DNAJC24: variants seen among roughly 807,000 people sequenced by gnomAD.
DNAJC24 encodes the protein DnaJ heat shock protein family (Hsp40) member C24.
In DNAJC24, 17 loss-of-function variants were observed where a neutral mutation model predicts 18.0. The observed-to-expected ratio is 0.94, with a 90% CI of 0.65 to 1.42. DNAJC24 has a LOEUF of 1.42. Among genes scored for constraint, DNAJC24 ranks in the 40% most tolerant of loss-of-function variants. The pLI is 0.00. For synonymous variants in DNAJC24, 55 were observed against 57.7 expected, an observed-to-expected ratio of 0.95 and a Z score of 0.21; for missense variants, 158 against 175.6, an observed-to-expected ratio of 0.90 and a Z score of 0.57.
At chr11:31,411,988 A>G (rs1952714686) in intron 2 of DNAJC24, among the ~76,000 whole-genome samples, 1 of 152,164 alleles carries the variant, frequency 6.6e-6, no homozygotes, top group Admixed American at 6.5e-5. Context: ...TCATTTTTTA[A>G]TGGAATGTAC....
intron 3 of DNAJC24, among the ~76,000 whole-genome samples, chr11:31,425,143 T>A (rs748711847): frequency 1.3e-5 from 2 of 152,110 alleles, no homozygotes; most frequent in Non-Finnish European, 2.9e-5. Context: ...AAAGCTTAGG[T>A]GGAATTCCAG....
chr11:31,416,375 A>G (rs1344191588), intron 3 of DNAJC24: 1 of 152,178 alleles, frequency 6.6e-6, no homozygotes, highest in Non-Finnish European at 1.5e-5. Context: ...CTTGGTTCAC[A>G]TGATTTCTAT....
At position 31,429,716 on chromosome 11, in the gene DNAJC24, A is replaced by C. The variant is rs980756683; in HGVS notation, c.320-555A>C. The C allele has an allele frequency of 2.9e-5, 5 of 171,618 alleles. No homozygotes were observed. In the East Asian group the frequency reaches 4.5e-4, roughly 15 times the overall value. 10.6% of individuals were successfully genotyped at this position (171,618 alleles called of 1,614,324 possible). ...ACACATACCCCCATAGGATTTAAAAAAACAACAACAACATGGTGTTGTGTT... is the reference window on the plus strand; with the variant it reads ...ACACATACCCCCATAGGATTTAAAACAACAACAACAACATGGTGTTGTGTT... On this transcript the variant is annotated intron_variant, in intron 4 of 4. Coordinates refer to ENST00000465995, the MANE Select transcript of DNAJC24 (RefSeq NM_181706.5).
chr11:31,374,683 A>C (rs1952295776), intron 2 of DNAJC24, among the ~76,000 whole-genome samples: 1 of 134,270 alleles, frequency 7.4e-6, no homozygotes, highest in Admixed American at 7.7e-5. Context: ...TTTAGTCTTA[A>C]CCAGTCTTTC....
At chr11:31,400,216 CAT>C (rs1220636454) in intron 2 of DNAJC24, among the ~76,000 whole-genome samples, 3 of 152,146 alleles carry the variant, frequency 2.0e-5, no homozygotes, top group Non-Finnish European at 4.4e-5. Context: ...GCTGCATAAA[CAT>C]ATGTGTGCAT....
At chr11:31,376,088 CA>C (rs1234849069) in intron 2 of DNAJC24, among the ~76,000 whole-genome samples, 25,930 of 125,954 alleles carry the variant, frequency 0.21, 4,832 homozygotes, top group Non-Finnish European at 0.3. Context: ...TTGTTCTCCT[CA>C]TGGTAGTGAA....
intron 2 of DNAJC24, among the ~76,000 whole-genome samples, chr11:31,391,687 A>G (rs979788665): frequency 6.6e-6 from 1 of 152,218 alleles, no homozygotes; most frequent in Non-Finnish European, 1.5e-5. Context: ...TATGGAGAAC[A>G]GTTTGGAGGT....
At position 31,430,429 on chromosome 11, in the gene DNAJC24, CTG is replaced by C; in HGVS notation, c.*31_*32del. The C allele has an allele frequency of 6.3e-7, 1 of 1,591,160 alleles. No individual in the cohort carries two copies. The highest frequency in any genetic ancestry group is 2.3e-5 in the East Asian group (1 of 44,350). ...TTGTTCACAACTTGAAATGCTTTAA[CTG>C]TGGTATTGAGACATGATGAGAAGCC... On this transcript the variant is annotated 3_prime_UTR_variant, in exon 5 of 5. Transcript: ENST00000465995.
At chr11:31,379,271 G>A (rs1952350752) in intron 2 of DNAJC24, among the ~76,000 whole-genome samples, 1 of 152,056 alleles carries the variant, frequency 6.6e-6, no homozygotes, top group South Asian at 2.1e-4. Flanking sequence ...TGTGGCACTG[G>A]GTTCTCATAG....
intron 2 of DNAJC24, among the ~76,000 whole-genome samples, chr11:31,385,408 C>T (rs116856410): frequency 0.01 from 1,552 of 152,260 alleles, 64 homozygotes; most frequent in Admixed American, 0.081. Flanking sequence ...GCATGTACTA[C>T]TGTAATGTGC....
intron 2 of DNAJC24, among the ~76,000 whole-genome samples, chr11:31,407,817 A>T (rs141204251): frequency 1.3e-5 from 2 of 150,172 alleles, no homozygotes; most frequent in Middle Eastern, 3.5e-3. Context: ...TTCATTTCTT[A>T]GTTGAAAAAC....
chr11:31,413,520 G>A (rs555339888), intron 2 of DNAJC24, among the ~76,000 whole-genome samples: 1 of 151,860 alleles, frequency 6.6e-6, no homozygotes, highest in Admixed American at 6.6e-5. Context: ...TTTTAGTAGA[G>A]TCAGGGTTTC....
chr11:31,399,739 CTTTTTTTT>C (rs757871094), intron 2 of DNAJC24, among the ~76,000 whole-genome samples: 12 of 97,056 alleles, frequency 1.2e-4, no homozygotes, highest in Non-Finnish European at 1.4e-4. Context: ...ACTGTTTTTT[CTTTTTTTT>C]TTTTTTTTTT....
At chr11:31,415,929 A>T (rs1952748033) in intron 3 of DNAJC24, 1 of 152,346 alleles carries the variant, frequency 6.6e-6, no homozygotes, top group Non-Finnish European at 1.5e-5. Context: ...ACACAGCATT[A>T]TAAGATGAAG....
intron 2 of DNAJC24, among the ~76,000 whole-genome samples, chr11:31,388,337 C>G (rs575845531): frequency 6.6e-6 from 1 of 152,018 alleles, no homozygotes; most frequent in Non-Finnish European, 1.5e-5. Flanking sequence ...TCCCAAAGGT[C>G]AAGGACAAAG....
At chr11:31,406,556 G>A (rs890196230) in intron 2 of DNAJC24, among the ~76,000 whole-genome samples, 12 of 152,194 alleles carry the variant, frequency 7.9e-5, no homozygotes, top group African/African-American at 2.9e-4. Flanking sequence ...ATGGTAGGTT[G>A]TGGTTCTTAT....
chr11:31,430,198 C>A, intron 4 of DNAJC24, 73 bp from the exon 5 acceptor site: 2 of 1,334,112 alleles, frequency 1.5e-6, no homozygotes, highest in Non-Finnish European at 2.0e-6. Flanking sequence ...GGAATAAACT[C>A]TGCACCTTTT....
At chr11:31,413,248 C>A (rs1291809503) in intron 2 of DNAJC24, among the ~76,000 whole-genome samples, 1 of 149,520 alleles carries the variant, frequency 6.7e-6, no homozygotes, top group Admixed American at 6.7e-5. Context: ...AACTATTCTA[C>A]ATTAAAAGGA....
At chr11:31,409,610 C>T (rs79541098) in intron 2 of DNAJC24, among the ~76,000 whole-genome samples, 2 of 152,058 alleles carry the variant, frequency 1.3e-5, no homozygotes, top group African/African-American at 4.8e-5. Flanking sequence ...GAATATTTCT[C>T]TTCTATGGAT....
Sources: allele counts gnomAD v4.1 joint callset (sites outside exome capture counted in the v4.1 genomes callset), GRCh38; gene constraint gnomAD v4.1.1; transcripts MANE v1.5; gene names NCBI Gene and HGNC (gene_info 2026-07-23, HGNC 2026-07-21).